CFAP20DC: variants seen among roughly 807,000 people sequenced by gnomAD.
CFAP20DC encodes the protein protein CFAP20DC.
In CFAP20DC, 84 loss-of-function variants were observed where a neutral mutation model predicts 101.7. That is an observed-to-expected ratio of 0.83 (90% confidence interval 0.69 to 0.99). The LOEUF is 0.99. Ranked by LOEUF, CFAP20DC falls within the 50% of genes least tolerant of loss-of-function variation. The pLI is 0.00. For synonymous variants in CFAP20DC, 359 were observed against 351.2 expected, an observed-to-expected ratio of 1.02 and a Z score of -0.25; for missense variants, 1,007 against 970.3, an observed-to-expected ratio of 1.04 and a Z score of -0.50.
chr3:58,813,123 A>G (rs2107805164), intron 14 of CFAP20DC, among the ~76,000 whole-genome samples: 1 of 152,074 alleles, frequency 6.6e-6, no homozygotes, highest in South Asian at 2.1e-4. Context: ...CCCCAAGTGT[A>G]TAACACAACC....
intron 3 of CFAP20DC, among the ~76,000 whole-genome samples, chr3:58,720,775 T>C (rs1433676280): frequency 6.6e-6 from 1 of 152,224 alleles, no homozygotes; most frequent in Non-Finnish European, 1.5e-5. Context: ...ACAACTTAAT[T>C]AGTGTACAAG....
intron 4 of CFAP20DC, among the ~76,000 whole-genome samples, chr3:58,988,794 T>A (rs905447505): frequency 1.3e-5 from 2 of 152,174 alleles, no homozygotes; most frequent in Non-Finnish European, 2.9e-5. Flanking sequence ...TCTAAATCAC[T>A]GTCATTTAAA....
At chr3:59,030,293 C>T (rs1219897285) in intron 4 of CFAP20DC, among the ~76,000 whole-genome samples, 2 of 152,202 alleles carry the variant, frequency 1.3e-5, no homozygotes, top group East Asian at 3.8e-4. Flanking sequence ...AAAAGCAGTG[C>T]AGCAATGCAT....
chr3:59,042,018 G>C (rs961811461), intron 3 of CFAP20DC, among the ~76,000 whole-genome samples: 8 of 152,102 alleles, frequency 5.3e-5, no homozygotes, highest in Non-Finnish European at 7.4e-5. Context: ...CCATGAAGGA[G>C]AAAGTCAGGG....
chr3:58,853,208 C>T (rs1458478943), intron 12 of CFAP20DC, among the ~76,000 whole-genome samples: 1 of 152,188 alleles, frequency 6.6e-6, no homozygotes, highest in Non-Finnish European at 1.5e-5. Flanking sequence ...ACAAACACCT[C>T]TACGCAAATA....
chr3:59,026,559 T>C (rs918419308), intron 4 of CFAP20DC, among the ~76,000 whole-genome samples: 1 of 152,204 alleles, frequency 6.6e-6, no homozygotes, highest in Non-Finnish European at 1.5e-5. Context: ...CTGTCACTAA[T>C]GTCATCGTGA....
chr3:58,819,458 A>C (rs1487014994), intron 14 of CFAP20DC, among the ~76,000 whole-genome samples: 2 of 150,434 alleles, frequency 1.3e-5, no homozygotes, highest in African/African-American at 4.9e-5. Flanking sequence ...GATAAAGGGG[A>C]TATCACCACC....
intron 5 of CFAP20DC, among the ~76,000 whole-genome samples, chr3:58,933,429 A>G (rs796615666): frequency 6.6e-6 from 1 of 151,892 alleles, no homozygotes; most frequent in Non-Finnish European, 1.5e-5. Flanking sequence ...GACCTAATAG[A>G]CATCTACAGA....
Position 59,030,805 on chromosome 3 carries a change from G to GT in CFAP20DC, c.278+8751dup, listed in dbSNP as rs564324095. Among the ~76,000 whole-genome samples, 91 of 151,460 alleles carry GT rather than the reference G, an allele frequency of 6.0e-4. 1 individual carries two copies. The highest frequency in any genetic ancestry group is 1.9e-3 in the African/African-American group (77 of 41,292). On this transcript the variant is annotated intron_variant, in intron 4 of 16. Transcript: ENST00000482387. ...GATTTCTCAATAATTAAAGCTTTAA[G>GT]TTTTTTTTTGTTTTTGTTTTTGTTT...
chr3:58,842,731 A>G (rs1040712710), intron 13 of CFAP20DC, among the ~76,000 whole-genome samples: 2 of 152,218 alleles, frequency 1.3e-5, no homozygotes, highest in African/African-American at 4.8e-5. Flanking sequence ...AAACAAAAAG[A>G]CAGCAGTAAC....
In CFAP20DC at chr3:58,910,038, T is replaced by C. The variant is rs558212694; in HGVS notation, c.550+3670A>G. On this transcript the variant is annotated intron_variant, in intron 6 of 16. Transcript: ENST00000482387. Reference sequence around the variant, plus strand: ...CTGAGGATGATGGCTTCCAACTTCATCCACGTCCCTGCAAAGGACATGATC... The same window carrying C: ...CTGAGGATGATGGCTTCCAACTTCACCCACGTCCCTGCAAAGGACATGATC... Among the ~76,000 whole-genome samples the C allele has an allele frequency of 4.6e-4, 70 of 152,316 alleles. No homozygotes were observed. In the South Asian group the frequency reaches 0.013, roughly 29 times the overall value.
At chr3:58,805,385 C>G (rs185160563) in intron 15 of CFAP20DC, among the ~76,000 whole-genome samples, 2 of 152,212 alleles carry the variant, frequency 1.3e-5, no homozygotes, top group African/African-American at 4.8e-5. Flanking sequence ...TGAGGCCTGG[C>G]GGCCTTTGGG....
chr3:59,012,048 A>C (rs1337035127), intron 4 of CFAP20DC, among the ~76,000 whole-genome samples: 1 of 152,222 alleles, frequency 6.6e-6, no homozygotes, highest in Non-Finnish European at 1.5e-5. Context: ...AATAAAGCAT[A>C]GCTTATCTCT....
At chr3:58,891,309 C>T (rs2106813185) in intron 6 of CFAP20DC, among the ~76,000 whole-genome samples, 1 of 151,796 alleles carries the variant, frequency 6.6e-6, no homozygotes, top group South Asian at 2.1e-4. Context: ...AGGCACTCTG[C>T]AGGCTGAGGC....
At chr3:58,915,479 C>G (rs1055194172) in intron 5 of CFAP20DC, among the ~76,000 whole-genome samples, 20 of 152,098 alleles carry the variant, frequency 1.3e-4, no homozygotes, top group Admixed American at 1.1e-3. Context: ...CTCAACCATT[C>G]AGCTGGTTCA....
rs888025101 is a variant in CFAP20DC at position 58,831,790 on chromosome 3, C to T, written c.2071G>A (p.Ala691Thr). 1 of 1,613,896 alleles carries T rather than the reference C, an allele frequency of 6.2e-7. No homozygotes were observed. The change falls in exon 14 of 17, where the codon GCT (alanine) becomes ACT (threonine). Residue 691 changes from alanine (A) to threonine (T), a missense_variant. By Grantham distance (58) the Ala-to-Thr change is moderately conservative (BLOSUM62 0). Transcript: ENST00000482387. ...GCACTCAGGCCATGGGAGGTCCCAGCATCCTCCAGTTCTTCATTTTGTTGC... is the reference window on the plus strand; with the variant it reads ...GCACTCAGGCCATGGGAGGTCCCAGTATCCTCCAGTTCTTCATTTTGTTGC... ...RWQQNEELED[A>T]GTSHGLSASQ...
At chr3:58,865,764 A>T (rs1413525678) in intron 11 of CFAP20DC, among the ~76,000 whole-genome samples, 2 of 152,254 alleles carry the variant, frequency 1.3e-5, no homozygotes, top group Non-Finnish European at 2.9e-5. Context: ...AATCTTCATT[A>T]TGCACTTAAA....
In CFAP20DC at chr3:58,937,886, A is replaced by C. The variant is rs2087933935; in HGVS notation, c.279-124T>G. The C allele has an allele frequency of 1.4e-5, 9 of 646,654 alleles. No homozygotes were observed. The South Asian group carries it at 1.7e-4, about 12-fold the overall frequency. The allele number at this position is 646,654 out of a possible 1,614,324, so 40.1% of individuals were successfully genotyped here. ...TTTTCAACAGGAAGATCAAACACAG[A>C]ATTTAAGAATTGCCTTTTTCTTTCA... On this transcript the variant is annotated intron_variant, in intron 4 of 16. Coordinates refer to ENST00000482387, the MANE Select transcript of CFAP20DC (RefSeq NM_001394063.1).
chr3:58,792,284 T>A (rs1443355819), intron 15 of CFAP20DC, among the ~76,000 whole-genome samples: 2 of 152,142 alleles, frequency 1.3e-5, no homozygotes, highest in African/African-American at 4.8e-5. Context: ...AGTATATTTA[T>A]TTGCGTTTGG....
Sources: allele counts gnomAD v4.1 joint callset (sites outside exome capture counted in the v4.1 genomes callset), GRCh38; gene constraint gnomAD v4.1.1; transcripts MANE v1.5; gene names NCBI Gene and HGNC (gene_info 2026-07-23, HGNC 2026-07-21).